Variants in DSP observed in about 807,000 individuals in gnomAD.
DSP encodes 250/210 kDa paraneoplastic pemphigus antigen.
Under a neutral mutation model 290.6 loss-of-function variants are expected in DSP, and 114 were observed. That is an observed-to-expected ratio of 0.39 (90% CI 0.34 to 0.46). The LOEUF is 0.46. Ranked by LOEUF, DSP falls within the 20% of genes least tolerant of loss-of-function variation. The pLI is 0.99. For missense variants in DSP, 3,230 were observed against 3,495.8 expected, an observed-to-expected ratio of 0.92 and a Z score of 1.92; for synonymous variants, 1,311 against 1,316.4, an observed-to-expected ratio of 1.00 and a Z score of 0.09.
Position 7,578,501 on chromosome 6 carries a change from C to T in DSP, c.3023C>T (p.Thr1008Ile), listed in dbSNP as rs1334187363. 6.2e-7 allele frequency: 1 copy of T among 1,613,750 alleles called. No individual in the cohort carries two copies. Among genetic ancestry groups the T allele is most frequent in the Non-Finnish European group, 8.5e-7 (1 of 1,179,874 alleles). Residue 1008 changes from threonine to isoleucine, a missense_variant, in exon 22 of 24, where the codon ACA (threonine) becomes ATA (isoleucine). Transcript: ENST00000379802. The part of the protein sequence containing the change: ...DVHARYIELL[T>I]RSGDYYRFLS... ...CATGCTCGGTACATTGAACTACTTACAAGATCTGGAGACTATTACAGGTTC... is the reference window on the plus strand; with the variant it reads ...CATGCTCGGTACATTGAACTACTTATAAGATCTGGAGACTATTACAGGTTC...
Position 7,574,141 on chromosome 6 carries a change from T to C in DSP, c.2186T>C (p.Met729Thr), listed in dbSNP as rs758200210. The change falls in exon 16 of 24, where the codon ATG (methionine) becomes ACG (threonine). Residue 729 changes from methionine to threonine, a missense_variant. Physicochemically the swap from Met to Thr is moderately conservative, Grantham distance 81. Around this residue, in one of 5 missense-constraint regions of DSP, gnomAD observed 1,714 missense variants for 1,844.5 expected, o/e 0.93. Transcript: ENST00000379802. ...GAGGTTCTCAACCAGCTTAAAGATA[T>C]GCTTGCCAACTTCAGAGGTTCTGAA... ...IAEVLNQLKD[M>T]LANFRGSEKY... 6 of 1,614,042 alleles carry C rather than the reference T, an allele frequency of 3.7e-6. No homozygotes were observed. Among genetic ancestry groups the C allele is most frequent in the Admixed American group, 1.7e-5 (1 of 60,012 alleles).
At position 7,574,704 on chromosome 6, in the gene DSP, A is replaced by G. The variant is rs557966264; in HGVS notation, c.2345A>G (p.Asp782Gly). ...ALLQAILQTE[D>G]MLKVYEARLT... ...CTCCAGGCTATTCTCCAAACAGAAGACATGTTAAAGGTTTATGAAGCCAGG... is the reference window on the plus strand; with the variant it reads ...CTCCAGGCTATTCTCCAAACAGAAGGCATGTTAAAGGTTTATGAAGCCAGG... Residue 782 changes from aspartate (D) to glycine (G), a missense_variant, in exon 17 of 24, where the codon GAC becomes GGC. Asp to Gly is a moderately conservative substitution (Grantham distance 94). Around this residue, in one of 5 missense-constraint regions of DSP, gnomAD observed 1,714 missense variants for 1,844.5 expected, o/e 0.93. Transcript: ENST00000379802. 2.0e-5 allele frequency: 32 copies of G among 1,614,142 alleles called. 1 individual carries two copies. The South Asian group carries it at 3.5e-4, about 18-fold the overall frequency.
At chr6:7,557,763 C>T (rs1758543537) in intron 2 of DSP, among the ~76,000 whole-genome samples, 1 of 114,342 alleles carries the variant, frequency 8.7e-6, no homozygotes, top group Admixed American at 7.5e-5. Context: ...ATAAGAGGCC[C>T]CATCTGTACC....
intron 1 of DSP, among the ~76,000 whole-genome samples, chr6:7,551,349 G>A (rs560092601): frequency 6.6e-6 from 1 of 152,258 alleles, no homozygotes; most frequent in East Asian, 1.9e-4. Flanking sequence ...TTTCCTGGCT[G>A]GGAGTGGTGC....
Position 7,574,193 on chromosome 6 carries a change from A to G in DSP, c.2238A>G (p.Val746=). 1.2e-6 allele frequency: 2 copies of G among 1,614,114 alleles called. No homozygotes were observed. Among genetic ancestry groups the G allele is most frequent in the Non-Finnish European group, 8.5e-7 (1 of 1,179,984 alleles). Residue 746 remains valine (V), a synonymous_variant, in exon 16 of 24, where the codon GTA becomes GTG. Transcript: ENST00000379802. The stretch of plus-strand genomic sequence containing the variant: ...AGTACTGCTATTTACAGAATGAAGT[A>G]TTTGGACTATTTCAGAAACTGGAAA... ...SEKYCYLQNE[V]FGLFQKLENI... is the part of the protein sequence containing the mutation.
In DSP at chr6:7,575,634, G is replaced by A. The variant is rs1759216933; in HGVS notation, c.2630+146G>A. 1.1e-5 allele frequency: 11 copies of A among 977,028 alleles called. No homozygotes were observed. In the South Asian group the frequency reaches 1.1e-4, roughly 10 times the overall value. 60.5% of individuals were successfully genotyped at this position (977,028 alleles called of 1,614,324 possible). A position where few individuals can be genotyped will look rare whatever the true frequency, so the allele number is the denominator to read the frequency against. On this transcript the variant is annotated intron_variant, in intron 18 of 23. Coordinates refer to ENST00000379802, the MANE Select transcript of DSP (RefSeq NM_004415.4). The stretch of plus-strand genomic sequence containing the variant: ...GTAACAGATGCTCTTTTCATGGACT[G>A]CCTGTATGCAGCTTTGTTAGAAATG...
At chr6:7,549,780 A>C (rs2113644130) in intron 1 of DSP, among the ~76,000 whole-genome samples, 1 of 152,326 alleles carries the variant, frequency 6.6e-6, no homozygotes, top group African/African-American at 2.4e-5. Flanking sequence ...GGAGAGATGG[A>C]AAGAGGAAGG....
intron 1 of DSP, 29 bp from the exon 2 acceptor site, chr6:7,555,689 G>T (rs1482028354): frequency 1.2e-6 from 2 of 1,600,136 alleles, no homozygotes; most frequent in Non-Finnish European, 1.7e-6. Context: ...GTTATTTGAT[G>T]TCTGGTTTCT....
chr6:7,564,373 T>C (rs1483860788), intron 6 of DSP, among the ~76,000 whole-genome samples: 2 of 152,212 alleles, frequency 1.3e-5, no homozygotes, highest in African/African-American at 2.4e-5. Flanking sequence ...TGTCATCATA[T>C]CTTTACTTTT....
At chr6:7,545,944 T>G (rs1758159196) in intron 1 of DSP, among the ~76,000 whole-genome samples, 2 of 152,168 alleles carry the variant, frequency 1.3e-5, no homozygotes. Flanking sequence ...GAAGCATCCT[T>G]TTTTGACCAA....
intron 5 of DSP, 110 bp from the exon 6 acceptor site, chr6:7,563,626 A>G (rs1364842023): frequency 3.6e-5 from 32 of 894,768 alleles, no homozygotes; most frequent in Admixed American, 7.2e-5. Flanking sequence ...CTTTCTTTCT[A>G]TGGAGGGATC....
intron 6 of DSP, among the ~76,000 whole-genome samples, chr6:7,564,479 T>C (rs951711489): frequency 3.9e-5 from 6 of 152,314 alleles, no homozygotes; most frequent in Admixed American, 1.3e-4. Context: ...TTATGGCACT[T>C]TGAATTTTTG....
rs772551736 is a variant in DSP at position 7,578,482 on chromosome 6, C to T, written c.3004C>T (p.Arg1002Trp). Reference protein sequence around the residue: ...ILQEAADVHARYIELLTRSGD... With the variant: ...ILQEAADVHAWYIELLTRSGD... ...CTCCAAGGCTGCAGATGTTCATGCT[C>T]GGTACATTGAACTACTTACAAGATC... The change falls in exon 22 of 24, where the codon CGG becomes TGG. Residue 1002 changes from arginine to tryptophan, a missense_variant. By Grantham distance (101) the Arg-to-Trp change is moderately radical (BLOSUM62 -3). This residue lies in a region of DSP where 1,714 missense variants were observed against 1,844.5 expected (regional missense o/e 0.93). Coordinates refer to ENST00000379802, the MANE Select transcript of DSP (RefSeq NM_004415.4). 45 of 1,613,220 alleles carry T rather than the reference C, an allele frequency of 2.8e-5. No individual in the cohort carries two copies. The highest frequency in any genetic ancestry group is 1.6e-4 in the Middle Eastern group (1 of 6,080).
At chr6:7,564,805 C>CTA (rs1370765029) in intron 6 of DSP, among the ~76,000 whole-genome samples, 2 of 151,950 alleles carry the variant, frequency 1.3e-5, no homozygotes, top group Non-Finnish European at 2.9e-5. Flanking sequence ...ATATGTACAA[C>CTA]TATATCAGTA....
intron 18 of DSP, 81 bp from the exon 19 acceptor site, chr6:7,576,213 A>G: frequency 6.7e-7 from 1 of 1,481,720 alleles, no homozygotes; most frequent in East Asian, 2.3e-5. Context: ...GGTATATATC[A>G]AGTGAATTTC....
At chr6:7,568,271 C>T (rs1758922891) in intron 10 of DSP, among the ~76,000 whole-genome samples, 166 bp from the exon 11 acceptor site, 1 of 152,184 alleles carries the variant, frequency 6.6e-6, no homozygotes, top group Admixed American at 6.5e-5. Flanking sequence ...AGAGTGTTGT[C>T]ATGAAAGGTT....
At chr6:7,562,375 T>G (rs558395300) in intron 4 of DSP, among the ~76,000 whole-genome samples, 70 of 150,890 alleles carry the variant, frequency 4.6e-4, no homozygotes, top group African/African-American at 1.6e-3. Context: ...TAGATTTGGT[T>G]TTTTTTTTTT....
Position 7,571,833 on chromosome 6 carries a change from T to G in DSP, c.1904-9T>G, listed in dbSNP as rs1198178712. ...CTCTGATTTTTGTGGCCCTAACTTC[T>G]TTTTACAGTGACCACAACTGAAATC... On this transcript the variant is annotated splice_polypyrimidine_tract_variant and intron_variant, in intron 14 of 23. Coordinates refer to ENST00000379802, the MANE Select transcript of DSP (RefSeq NM_004415.4). 1 of 1,611,146 alleles carries G rather than the reference T, an allele frequency of 6.2e-7. No homozygotes were observed. Among genetic ancestry groups the G allele is most frequent in the Non-Finnish European group, 8.5e-7 (1 of 1,179,962 alleles).
chr6:7,580,778 G>T lies in DSP; in HGVS notation c.4588G>T (p.Val1530Phe), dbSNP rs141227126. Residue 1530 changes from valine (V) to phenylalanine (F), a missense_variant, in exon 23 of 24, where the codon GTT (valine) becomes TTT (phenylalanine). Val to Phe is a conservative substitution (Grantham distance 50). Transcript: ENST00000379802. This position sits in a 1 kb window ranked among gnomAD's most constrained non-coding sequence, Gnocchi z 4.2. Reference protein sequence around the residue: ...SATETINKLKVQEQELTRLRI... With the variant: ...SATETINKLKFQEQELTRLRI... ...GACGGAGACAATAAACAAACTGAAG[G>T]TTCAGGAGCAAGAACTGACACGCCT... The T allele has an allele frequency of 8.4e-4, 1,355 of 1,614,146 alleles. 11 individuals are homozygous for T. Among genetic ancestry groups the T allele is most frequent in the Non-Finnish European group, 3.3e-4 (391 of 1,180,042 alleles).
Sources: allele counts gnomAD v4.1 joint callset (sites outside exome capture counted in the v4.1 genomes callset), GRCh38; gene constraint gnomAD v4.1.1; regional missense constraint gnomAD v4.1.1; non-coding constraint Gnocchi (gnomAD v3.1); transcripts MANE v1.5; gene names NCBI Gene and HGNC (gene_info 2026-07-23, HGNC 2026-07-21).